The following SP140 variants were observed in gnomAD, a reference collection of about 807,000 sequenced individuals.
SP140 encodes the protein nuclear body protein SP140.
SP140 carries 81 observed loss-of-function variants against 125.0 expected under a neutral mutation model. That is an observed-to-expected ratio of 0.65 (90% CI 0.54 to 0.78). The LOEUF is 0.78. Among genes scored for constraint, SP140 ranks in the 30% least tolerant of loss-of-function variants. The probability of loss-of-function intolerance (pLI) is 0.00; values close to 1 mark genes in which losing one functional copy is unlikely to be tolerated. For synonymous variants in SP140, 312 were observed against 354.0 expected, an observed-to-expected ratio of 0.88 and a Z score of 1.33; for missense variants, 858 against 1,037.0, an observed-to-expected ratio of 0.83 and a Z score of 2.37.
chr2:230,214,840 C>A, intron 3 of SP140: 1 of 908,250 alleles, frequency 1.1e-6, no homozygotes, highest in Non-Finnish European at 1.8e-6. Context: ...CATTCCACCC[C>A]AGAGAGAAGG....
rs558384420 is a variant in SP140 at position 230,307,746 on chromosome 2, C to T, written c.2059-2178C>T. Among the ~76,000 whole-genome samples, 14 of 152,142 alleles carry T rather than the reference C, an allele frequency of 9.2e-5. 1 individual carries two copies. The highest frequency in any genetic ancestry group is 1.7e-4 in the African/African-American group (7 of 41,530). On this transcript the variant is annotated intron_variant, in intron 22 of 26. Coordinates refer to ENST00000392045, the MANE Select transcript of SP140 (RefSeq NM_007237.5). ...CCATGGCAGGCCCTTGGTAGGTATGCGATCCAGGCCAGTAGCCTGAGCCAA... is the reference window on the plus strand; with the variant it reads ...CCATGGCAGGCCCTTGGTAGGTATGTGATCCAGGCCAGTAGCCTGAGCCAA...
At chr2:230,312,351 CA>C (rs1161249685) in intron 26 of SP140, among the ~76,000 whole-genome samples, 2 of 152,066 alleles carry the variant, frequency 1.3e-5, no homozygotes, top group Non-Finnish European at 2.9e-5. Context: ...GTACTCACCA[CA>C]AAAAAATGAT....
At chr2:230,256,866 A>G (rs959486926) in intron 12 of SP140, among the ~76,000 whole-genome samples, 3 of 152,190 alleles carry the variant, frequency 2.0e-5, no homozygotes, top group Non-Finnish European at 2.9e-5. Context: ...ACTTTCCATT[A>G]TGTCATTGGA....
intron 15 of SP140, among the ~76,000 whole-genome samples, chr2:230,272,240 A>G (rs988383492): frequency 6.6e-6 from 1 of 152,178 alleles, no homozygotes; most frequent in Non-Finnish European, 1.5e-5. Context: ...GGAACCAAAA[A>G]AGAGCCTGAA....
At chr2:230,222,731 C>T (rs140508598), upstream of SP140, among the ~76,000 whole-genome samples, 1 of 150,740 alleles carries the variant, frequency 6.6e-6, no homozygotes, top group Non-Finnish European at 1.5e-5. Flanking sequence ...ATTTCTGTTA[C>T]CCTAGAAAGT....
At chr2:230,290,708 C>CGCAGACTTTACA in intron 19 of SP140, 144 bp downstream of exon 19, 1 of 676,008 alleles carries the variant, frequency 1.5e-6, no homozygotes, top group Non-Finnish European at 2.5e-6. Flanking sequence ...TCTAAGATGA[C>CGCAGACTTTACA]GTTTACAGAC....
chr2:230,257,739 C>A (rs1008043768), intron 12 of SP140, among the ~76,000 whole-genome samples: 5 of 152,186 alleles, frequency 3.3e-5, no homozygotes, highest in Non-Finnish European at 7.3e-5. Flanking sequence ...TGCACTCCAG[C>A]CTGGTGACAG....
At chr2:230,267,261 A>G (rs1415750622) in intron 12 of SP140, among the ~76,000 whole-genome samples, 2 of 152,234 alleles carry the variant, frequency 1.3e-5, no homozygotes, top group African/African-American at 2.4e-5. Context: ...GCAGACCTCA[A>G]ATCATCCGTA....
upstream of SP140, chr2:230,200,606 G>A: frequency 2.1e-6 from 1 of 486,066 alleles, no homozygotes; most frequent in Admixed American, 3.4e-5. Flanking sequence ...TGGTGATATT[G>A]CTGCCAGTAG....
At position 230,292,653 on chromosome 2, in the gene SP140, G is replaced by A. The variant is rs770392606; in HGVS notation, c.1833G>A (p.Leu611=). 1 of 1,614,110 alleles carries A rather than the reference G, an allele frequency of 6.2e-7. No individual in the cohort carries two copies. The highest frequency in any genetic ancestry group is 1.7e-5 in the Admixed American group (1 of 60,010). ...LHKKKLQQGI[L]VKCIQTEDGK... ...GTTACCCTGGTCTTACAGGAATCTTGGTGAAGTGTATACAGACTGAGGATG... is the reference window on the plus strand; with the variant it reads ...GTTACCCTGGTCTTACAGGAATCTTAGTGAAGTGTATACAGACTGAGGATG... The change falls in exon 20 of 27, where the codon TTG becomes TTA. Residue 611 remains leucine, a synonymous_variant. Coordinates refer to ENST00000392045, the MANE Select transcript of SP140 (RefSeq NM_007237.5).
rs200558530 is a variant in SP140 at position 230,208,022 on chromosome 2, T to C, written c.-323+4743T>C. 18 of 1,567,304 alleles carry C rather than the reference T, an allele frequency of 1.1e-5. No individual in the cohort carries two copies. In the African/African-American group the frequency reaches 1.6e-4, roughly 14 times the overall value. On this transcript the variant is annotated intron_variant, in intron 1 of 4. Transcript: ENST00000456542. The stretch of plus-strand genomic sequence containing the variant: ...GGAGGCTTTTTTTCTTATGTCTCCT[T>C]TTTGGAGTTGACCAGATACATCTTT...
At chr2:230,282,277 A>G (rs552964454) in intron 15 of SP140, among the ~76,000 whole-genome samples, 16 of 152,244 alleles carry the variant, frequency 1.1e-4, no homozygotes, top group African/African-American at 3.9e-4. Context: ...TTTGCCCTAT[A>G]ATCTGGAGGC....
intron 23 of SP140, chr2:230,310,462 C>T: frequency 1.5e-6 from 1 of 675,876 alleles, no homozygotes; most frequent in Non-Finnish European, 2.4e-6. Context: ...GCCTGACAGA[C>T]AGGGTTCCCT....
At chr2:230,197,005 G>A in the SP140 span, among the ~76,000 whole-genome samples, 4 of 152,194 alleles carry the variant, frequency 2.6e-5, no homozygotes, top group East Asian at 3.9e-4. Context: ...ATAAACATAC[G>A]TGTGCATGTG....
chr2:230,196,658 C>A, the SP140 span, among the ~76,000 whole-genome samples: 230 of 151,972 alleles, frequency 1.5e-3, no homozygotes, highest in Admixed American at 2.5e-3. Flanking sequence ...CGTCATTTAG[C>A]ATTAGGTATA....
At chr2:230,189,802 T>C in the SP140 span, among the ~76,000 whole-genome samples, 4 of 152,220 alleles carry the variant, frequency 2.6e-5, no homozygotes, top group African/African-American at 7.2e-5. Context: ...TGTTTGGTTT[T>C]CTGTTCCTGT....
chr2:230,251,702 T>A (rs10498246), intron 10 of SP140, among the ~76,000 whole-genome samples: 23,357 of 152,174 alleles, frequency 0.15, 1,916 homozygotes, highest in Middle Eastern at 0.22. Flanking sequence ...ATTCAGATGA[T>A]CTCTTTATGA....
At chr2:230,225,058 G>A (rs1249028902), upstream of SP140, among the ~76,000 whole-genome samples, 4 of 152,172 alleles carry the variant, frequency 2.6e-5, no homozygotes, top group Non-Finnish European at 5.9e-5. Flanking sequence ...TATTGTCCTT[G>A]AAGGTCTAGA....
At chr2:230,212,644 G>C in intron 1 of SP140, 1 of 1,373,490 alleles carries the variant, frequency 7.3e-7, no homozygotes, top group Non-Finnish European at 1.0e-6. Flanking sequence ...TGTTTGGGTA[G>C]ATGGGTGCAA....
Sources: allele counts gnomAD v4.1 joint callset (sites outside exome capture counted in the v4.1 genomes callset), GRCh38; gene constraint gnomAD v4.1.1; transcripts MANE v1.5; gene names NCBI Gene and HGNC (gene_info 2026-07-23, HGNC 2026-07-21).